RICTOR: variants seen among roughly 807,000 people sequenced by gnomAD.
The protein encoded by RICTOR is RPTOR independent companion of MTOR complex 2.
In RICTOR, 49 loss-of-function variants were observed where a neutral mutation model predicts 214.9. That is an observed-to-expected ratio of 0.23 (90% CI 0.18 to 0.29). RICTOR has a LOEUF of 0.29. Ranked by LOEUF, RICTOR falls within the 10% of genes least tolerant of loss-of-function variation. RICTOR has a pLI of 1.00. For missense variants in RICTOR, 1,625 were observed against 2,047.0 expected, an observed-to-expected ratio of 0.79 and a Z score of 3.98; for synonymous variants, 717 against 711.3, an observed-to-expected ratio of 1.01 and a Z score of -0.13.
intron 2 of RICTOR, among the ~76,000 whole-genome samples, chr5:39,039,489 T>G (rs919669868): frequency 6.6e-6 from 1 of 152,062 alleles, no homozygotes; most frequent in Non-Finnish European, 1.5e-5. Flanking sequence ...ACTAAAGAGC[T>G]TCTGCACAGC....
At chr5:38,958,236 A>G (rs1041107422) in intron 24 of RICTOR, among the ~76,000 whole-genome samples, 3 of 152,104 alleles carry the variant, frequency 2.0e-5, no homozygotes, top group Non-Finnish European at 2.9e-5. Context: ...GGCCGTCTCA[A>G]TAAAAAAAAG....
At chr5:38,945,325 C>T (rs956390171) in intron 34 of RICTOR, 166 bp downstream of exon 34, 18 of 621,738 alleles carry the variant, frequency 2.9e-5, no homozygotes, top group South Asian at 1.0e-4. Flanking sequence ...GACCTGGAAC[C>T]GTGAGAGGAT....
chr5:38,969,343 G>A (rs1354714862), intron 11 of RICTOR, among the ~76,000 whole-genome samples: 1 of 151,684 alleles, frequency 6.6e-6, no homozygotes, highest in Non-Finnish European at 1.5e-5. Flanking sequence ...TATAGAATAA[G>A]GATATAAAAC....
chr5:39,016,328 G>C (rs957527602), intron 3 of RICTOR, among the ~76,000 whole-genome samples: 4 of 145,968 alleles, frequency 2.7e-5, no homozygotes, highest in Non-Finnish European at 6.0e-5. Context: ...AGGGGGAACA[G>C]AGAAGGGGGG....
At chr5:39,044,731 T>C (rs1757376430) in intron 2 of RICTOR, among the ~76,000 whole-genome samples, 1 of 152,148 alleles carries the variant, frequency 6.6e-6, no homozygotes, top group African/African-American at 2.4e-5. Context: ...ACTTTTAACA[T>C]GGCAATGCAT....
intron 3 of RICTOR, among the ~76,000 whole-genome samples, chr5:39,011,473 G>C (rs915113116): frequency 4.6e-5 from 7 of 152,186 alleles, no homozygotes; most frequent in African/African-American, 1.7e-4. Context: ...TGTGAGAAGA[G>C]GGCCACTATC....
intron 29 of RICTOR, 144 bp from the exon 30 acceptor site, chr5:38,952,569 T>C (rs1272379934): frequency 1.1e-5 from 6 of 557,460 alleles, no homozygotes; most frequent in African/African-American, 1.9e-5. Context: ...AAAAAACTTA[T>C]TAAGACTAGT....
At chr5:39,042,659 T>G (rs1006780389) in intron 2 of RICTOR, among the ~76,000 whole-genome samples, 2 of 152,240 alleles carry the variant, frequency 1.3e-5, no homozygotes, top group Non-Finnish European at 2.9e-5. Flanking sequence ...AATTATTTGA[T>G]GTTTATCTCC....
intron 9 of RICTOR, among the ~76,000 whole-genome samples, chr5:38,976,786 A>C (rs1288361704): frequency 2.0e-5 from 3 of 152,186 alleles, no homozygotes; most frequent in African/African-American, 7.2e-5. Flanking sequence ...ACCAAATAGG[A>C]AAGATTCTGA....
intron 36 of RICTOR, chr5:38,944,244 A>G (rs1422075073): frequency 3.1e-6 from 2 of 646,730 alleles, no homozygotes; most frequent in East Asian, 3.1e-5. Context: ...CTGGATTCTC[A>G]TACTTGCTTC....
chr5:39,038,490 A>C (rs1042582355), intron 2 of RICTOR, among the ~76,000 whole-genome samples: 7 of 152,310 alleles, frequency 4.6e-5, no homozygotes, highest in African/African-American at 1.7e-4. Context: ...CAGGAGAAAG[A>C]AATAAAGGGT....
At chr5:39,016,197 A>G (rs912950195) in intron 3 of RICTOR, among the ~76,000 whole-genome samples, 1 of 152,138 alleles carries the variant, frequency 6.6e-6, no homozygotes, top group Non-Finnish European at 1.5e-5. Flanking sequence ...TATGAAAATC[A>G]TTTTAAAAAG....
intron 7 of RICTOR, among the ~76,000 whole-genome samples, chr5:38,990,639 C>CTGATATATCAT (rs1752585913): frequency 3.6e-5 from 3 of 82,318 alleles, no homozygotes; most frequent in African/African-American, 1.4e-4. Context: ...ATATATCTGA[C>CTGATATATCAT]ATATATCAGA....
rs185450404 is a variant in RICTOR, at chr5:38,985,010, T to C, written c.584-2974A>G. 3.3e-3 allele frequency among the ~76,000 whole-genome samples: 500 copies of C among 152,286 alleles called. 1 individual carries two copies. Among genetic ancestry groups the C allele is most frequent in the African/African-American group, 7.4e-3 (309 of 41,552 alleles). On this transcript the variant is annotated intron_variant, in intron 7 of 37. Coordinates refer to ENST00000357387, the MANE Select transcript of RICTOR (RefSeq NM_152756.5). ...TTTTAGTAGAGACGGGGTTTCTCCA[T>C]GTTGGTTGGCCAGGATGGTCTCGAT...
chr5:39,035,212 G>T (rs995452908), intron 2 of RICTOR, among the ~76,000 whole-genome samples: 1 of 152,118 alleles, frequency 6.6e-6, no homozygotes, highest in Admixed American at 6.5e-5. Flanking sequence ...AGGCAAACAG[G>T]GTCTGGAGTG....
At chr5:39,068,597 G>C (rs750556078) in intron 2 of RICTOR, among the ~76,000 whole-genome samples, 6 of 152,166 alleles carry the variant, frequency 3.9e-5, no homozygotes, top group Non-Finnish European at 5.9e-5. Flanking sequence ...AGAACAACAA[G>C]ATCAGATCTA....
chr5:39,010,692 A>T (rs1255369221), intron 3 of RICTOR, among the ~76,000 whole-genome samples: 1 of 152,224 alleles, frequency 6.6e-6, no homozygotes, highest in East Asian at 1.9e-4. Flanking sequence ...TAACAAAGAG[A>T]CTGACAGCAT....
chr5:39,030,391 A>C (rs1314602874), intron 2 of RICTOR, among the ~76,000 whole-genome samples: 1 of 152,148 alleles, frequency 6.6e-6, no homozygotes, highest in African/African-American at 2.4e-5. Context: ...GTATATTCTC[A>C]GAATATATTC....
At chr5:39,018,980 C>A (rs987315389) in intron 3 of RICTOR, among the ~76,000 whole-genome samples, 3 of 152,130 alleles carry the variant, frequency 2.0e-5, no homozygotes, top group South Asian at 2.1e-4. Flanking sequence ...GGCAGAACAG[C>A]CTTACTGCTG....
Sources: allele counts gnomAD v4.1 joint callset (sites outside exome capture counted in the v4.1 genomes callset), GRCh38; gene constraint gnomAD v4.1.1; transcripts MANE v1.5; gene names NCBI Gene and HGNC (gene_info 2026-07-23, HGNC 2026-07-21).